C4orf50: variants seen among roughly 807,000 people sequenced by gnomAD.
The protein encoded by C4orf50 is uncharacterized protein C4orf50.
Under a neutral mutation model 77.2 loss-of-function variants are expected in C4orf50, and 80 were observed. That is an observed-to-expected ratio of 1.04 (90% CI 0.87 to 1.25). The LOEUF is 1.25. Among genes scored for constraint, C4orf50 ranks in the 50% most tolerant of loss-of-function variants. The pLI is 0.00. For synonymous variants in C4orf50, 532 were observed against 465.3 expected (o/e 1.14, Z -1.84); for missense variants, 1,257 against 1,152.9 (o/e 1.09, Z -1.31).
At chr4:5,925,261 C>T (rs923498718) in intron 7 of C4orf50, among the ~76,000 whole-genome samples, 3 of 150,022 alleles carry the variant, frequency 2.0e-5, no homozygotes, top group Non-Finnish European at 4.4e-5. Flanking sequence ...ACCCCTGAAG[C>T]AGCAAGGAGG....
intron 25 of C4orf50, among the ~76,000 whole-genome samples, chr4:6,002,082 AAT>A (rs934120336): frequency 5.3e-5 from 8 of 152,208 alleles, no homozygotes; most frequent in African/African-American, 1.4e-4. Context: ...CTTAGTTGAA[AAT>A]AGTGTTTTTG....
At position 6,008,080 on chromosome 4, in the gene C4orf50, C is replaced by A. The variant is rs1414146153; in HGVS notation, c.879G>T (p.Gln293His). The change falls in exon 25 of 34, where the codon CAG becomes CAT. Residue 293 changes from glutamine (Q) to histidine (H), a missense_variant. Transcript: ENST00000531445. The surrounding 1 kb of genome is among the most constrained non-coding windows in gnomAD (Gnocchi z 6.0). The stretch of plus-strand genomic sequence containing the variant: ...GCTGGGCGAGGTCCTCCACCTGGCC[C>A]TGCAGGCCAATCTCTGACAGCTTCA... 1.5e-5 allele frequency: 6 copies of A among 399,138 alleles called. No homozygotes were observed. The Admixed American group carries it at 2.6e-4, about 18-fold the overall frequency. 24.7% of individuals were successfully genotyped at this position (399,138 alleles called of 1,614,324 possible). A position where few individuals can be genotyped will look rare whatever the true frequency, so the allele number is the denominator to read the frequency against.
intron 7 of C4orf50, among the ~76,000 whole-genome samples, chr4:5,906,222 G>A (rs1716544505): frequency 6.6e-6 from 1 of 151,720 alleles, no homozygotes; most frequent in African/African-American, 2.4e-5. Context: ...TTGGCATGGA[G>A]AGAAGTGGGG....
intron 28 of C4orf50, among the ~76,000 whole-genome samples, chr4:5,981,083 T>C (rs1256456223): frequency 1.3e-5 from 2 of 152,154 alleles, no homozygotes; most frequent in South Asian, 2.1e-4. Context: ...CACATACATA[T>C]ATACACACAA....
chr4:5,950,898 GATGA>G (rs918940604), intron 7 of C4orf50, among the ~76,000 whole-genome samples: 52 of 152,300 alleles, frequency 3.4e-4, no homozygotes, highest in Middle Eastern at 6.8e-3. Flanking sequence ...TGGATGGGTG[GATGA>G]ATGAATGAAT....
At chr4:5,937,430 G>T (rs1560551540) in intron 7 of C4orf50, among the ~76,000 whole-genome samples, 1 of 152,022 alleles carries the variant, frequency 6.6e-6, no homozygotes, top group Non-Finnish European at 1.5e-5. Flanking sequence ...GTGAAAAGTA[G>T]AATAAAGAAA....
intron 33 of C4orf50, among the ~76,000 whole-genome samples, chr4:5,964,292 G>A (rs192556011): frequency 6.6e-6 from 1 of 152,100 alleles, no homozygotes; most frequent in Admixed American, 6.6e-5. Context: ...TGCCCTAGGA[G>A]TGAGTGTGAA....
At chr4:5,945,406 T>C (rs978745332) in intron 7 of C4orf50, among the ~76,000 whole-genome samples, 1 of 152,180 alleles carries the variant, frequency 6.6e-6, no homozygotes, top group African/African-American at 2.4e-5. Context: ...CTGTGTCTTA[T>C]CCTGCATTTA....
chr4:5,960,665 G>C (rs756254560), intron 33 of C4orf50, among the ~76,000 whole-genome samples: 8 of 152,220 alleles, frequency 5.3e-5, no homozygotes, highest in Non-Finnish European at 1.2e-4. Flanking sequence ...CCCGAAGAGA[G>C]ACCCACACAG....
intron 7 of C4orf50, among the ~76,000 whole-genome samples, chr4:5,937,906 T>C (rs1718097735): frequency 6.6e-6 from 1 of 152,128 alleles, no homozygotes; most frequent in African/African-American, 2.4e-5. Flanking sequence ...CACTAAATAT[T>C]AATAATATAG....
exon 28 of C4orf50, chr4:5,988,913 T>C: frequency 2.0e-6 from 3 of 1,536,078 alleles, no homozygotes; most frequent in Non-Finnish European, 2.6e-6. Context: ...TGCTCCATCG[T>C]GTCTTTGGAT....
chr4:5,995,355 C>T (rs760505989), intron 25 of C4orf50, among the ~76,000 whole-genome samples: 1 of 152,186 alleles, frequency 6.6e-6, no homozygotes, highest in Non-Finnish European at 1.5e-5. Flanking sequence ...CTTGGCAGCG[C>T]CCTGTCCCCT....
chr4:5,976,598 C>G (rs1720302347), intron 29 of C4orf50, among the ~76,000 whole-genome samples: 1 of 152,072 alleles, frequency 6.6e-6, no homozygotes, highest in African/African-American at 2.4e-5. Context: ...CTGAGCCAGA[C>G]AGCAGGGGTC....
intron 7 of C4orf50, among the ~76,000 whole-genome samples, chr4:5,950,129 G>A (rs1159985674): frequency 2.0e-5 from 3 of 152,086 alleles, no homozygotes; most frequent in Non-Finnish European, 4.4e-5. Context: ...CAACCTATAC[G>A]TTCTGTATAT....
At chr4:5,910,960 C>A (rs1381995522) in intron 7 of C4orf50, among the ~76,000 whole-genome samples, 1 of 126,502 alleles carries the variant, frequency 7.9e-6, no homozygotes, top group African/African-American at 3.0e-5. Flanking sequence ...GGCTGGAGTG[C>A]GGTGGTGTGA....
chr4:5,926,734 G>A (rs1030061544), intron 7 of C4orf50, among the ~76,000 whole-genome samples: 3 of 152,022 alleles, frequency 2.0e-5, no homozygotes, highest in African/African-American at 7.3e-5. Context: ...AAATAAACCA[G>A]GCTGTAAGTT....
chr4:5,918,396 CCA>C (rs1356838684), intron 7 of C4orf50, among the ~76,000 whole-genome samples: 2 of 152,202 alleles, frequency 1.3e-5, no homozygotes, highest in Non-Finnish European at 2.9e-5. Context: ...CACTTCAGAA[CCA>C]CATTCCTAAC....
Position 5,959,632 on chromosome 4 carries a change from G to C in C4orf50, c.4276-6C>G. ...GACACCAAGGACAGAGGGAGCTGCA[G>C]GCAAGAGGACAATGAAATGGTCTCT... is the stretch of plus-strand genomic sequence containing the variant. On this transcript the variant is annotated splice_polypyrimidine_tract_variant and splice_region_variant and intron_variant, in intron 33 of 33. Coordinates refer to ENST00000531445, the Ensembl canonical transcript of C4orf50. 6.2e-7 allele frequency: 1 copy of C among 1,609,880 alleles called. No homozygotes were observed. Among genetic ancestry groups the C allele is most frequent in the African/African-American group, 1.3e-5 (1 of 74,944 alleles).
At chr4:5,917,451 G>C (rs550122451) in intron 7 of C4orf50, among the ~76,000 whole-genome samples, 5 of 112,626 alleles carry the variant, frequency 4.4e-5, no homozygotes, top group Non-Finnish European at 8.3e-5. Context: ...GTCTCGCTCT[G>C]TCACTAGGCT....
Sources: gnomAD v4.1 joint callset for allele counts (sites outside exome capture counted in the v4.1 genomes callset) on GRCh38, gnomAD v4.1.1 for gene constraint, Gnocchi (gnomAD v3.1) non-coding constraint, MANE v1.5 for transcripts, NCBI Gene and HGNC (gene_info 2026-07-23, HGNC 2026-07-21) for gene names.